Variants in PTPRG observed in about 807,000 individuals in gnomAD.
The protein encoded by PTPRG is receptor-type tyrosine-protein phosphatase gamma.
Under a neutral mutation model 165.3 loss-of-function variants are expected in PTPRG, and 102 were observed. The observed-to-expected ratio is 0.62, with a 90% CI of 0.53 to 0.73. The LOEUF (loss-of-function observed/expected upper bound fraction) is 0.73. PTPRG is among the 30% of genes least tolerant of loss of function. The pLI, the probability that PTPRG is intolerant of heterozygous loss-of-function variation, is 0.00. For missense variants in PTPRG, 1,866 were observed against 1,861.4 expected (o/e 1.00, Z -0.05); for synonymous variants, 675 against 669.5 (o/e 1.01, Z -0.13).
intron 2 of PTPRG, among the ~76,000 whole-genome samples, chr3:61,809,447 A>G (rs1198224637): frequency 2.0e-5 from 3 of 152,110 alleles, no homozygotes; most frequent in African/African-American, 7.2e-5. Flanking sequence ...AGAAAATCCA[A>G]CTGGAAGAGG....
At position 62,290,475 on chromosome 3, in the gene PTPRG, C is replaced by T. The variant is rs577269512; in HGVS notation, c.4056-1946C>T. 4.6e-5 allele frequency among the ~76,000 whole-genome samples: 7 copies of T among 152,052 alleles called. No individual in the cohort carries two copies. In the East Asian group the frequency reaches 9.7e-4, roughly 21 times the overall value. On this transcript the variant is annotated intron_variant, in intron 28 of 29. Coordinates refer to ENST00000474889, the MANE Select transcript of PTPRG (RefSeq NM_002841.4). ...TATGTTTGAATCACTAAAAACAATA[C>T]GAAGTAAATGTAGAGACAGCCAAGA... is the stretch of plus-strand genomic sequence containing the variant.
At chr3:61,614,535 A>G (rs1701255538) in intron 1 of PTPRG, among the ~76,000 whole-genome samples, 1 of 141,852 alleles carries the variant, frequency 7.0e-6, no homozygotes, top group Admixed American at 7.8e-5. Flanking sequence ...TCAGCTTCCC[A>G]AGTAGTTGGG....
At chr3:61,854,368 A>G (rs2037045288) in intron 2 of PTPRG, among the ~76,000 whole-genome samples, 1 of 152,160 alleles carries the variant, frequency 6.6e-6, no homozygotes, top group Admixed American at 6.5e-5. Flanking sequence ...ACCTATTCTC[A>G]TCTATAGGCT....
intron 14 of PTPRG, among the ~76,000 whole-genome samples, chr3:62,239,771 T>C (rs533216859): frequency 4.5e-4 from 69 of 152,320 alleles, no homozygotes; most frequent in African/African-American, 1.6e-3. Flanking sequence ...CTTGTGTTTT[T>C]CTTTTCCTTT....
At chr3:61,920,986 C>A (rs953151872) in intron 2 of PTPRG, among the ~76,000 whole-genome samples, 1 of 152,050 alleles carries the variant, frequency 6.6e-6, no homozygotes, top group Non-Finnish European at 1.5e-5. Flanking sequence ...TCATTGGATA[C>A]CAGAAATCTT....
At chr3:61,738,342 A>ATATATATGTG (rs1559583542) in intron 1 of PTPRG, among the ~76,000 whole-genome samples, 1 of 135,232 alleles carries the variant, frequency 7.4e-6, no homozygotes. Flanking sequence ...ATATATGTAT[A>ATATATATGTG]TATATATATA....
chr3:62,243,769 T>C, intron 14 of PTPRG, 38 bp from the exon 15 acceptor site: 1 of 1,254,920 alleles, frequency 8.0e-7, no homozygotes, highest in Non-Finnish European at 1.1e-6. Context: ...AAATAAAGTA[T>C]ATTCTATTAT....
At chr3:62,269,220 A>G in intron 20 of PTPRG, 51 bp downstream of exon 20, 3 of 1,501,804 alleles carry the variant, frequency 2.0e-6, no homozygotes, top group South Asian at 2.8e-5. Context: ...TTATACTTGT[A>G]TGAAAATTAC....
chr3:62,153,824 T>C (rs889552638), intron 6 of PTPRG, among the ~76,000 whole-genome samples: 1 of 152,190 alleles, frequency 6.6e-6, no homozygotes, highest in Non-Finnish European at 1.5e-5. Flanking sequence ...TATTTGAACC[T>C]GGGCAGGCTG....
At chr3:61,814,337 T>C (rs752361903) in intron 2 of PTPRG, among the ~76,000 whole-genome samples, 23 of 152,340 alleles carry the variant, frequency 1.5e-4, no homozygotes, top group Non-Finnish European at 3.1e-4. Context: ...AAAGAGCTTA[T>C]AGTTCATAAC....
At chr3:61,564,790 C>T (rs1431466552) in intron 1 of PTPRG, among the ~76,000 whole-genome samples, 1 of 152,178 alleles carries the variant, frequency 6.6e-6, no homozygotes, top group Non-Finnish European at 1.5e-5. Context: ...ACCTCCACGC[C>T]TCAGGGATGG....
At chr3:61,718,046 G>A (rs780733873) in intron 1 of PTPRG, among the ~76,000 whole-genome samples, 7 of 151,814 alleles carry the variant, frequency 4.6e-5, no homozygotes, top group Admixed American at 3.9e-4. Context: ...CGGGCATGGT[G>A]GTGCGGGCAC....
intron 13 of PTPRG, among the ~76,000 whole-genome samples, chr3:62,227,844 GT>G (rs1405205198): frequency 1.3e-5 from 2 of 152,136 alleles, no homozygotes; most frequent in African/African-American, 4.8e-5. Flanking sequence ...TAGCTAACAT[GT>G]TTTTTTAAAA....
intron 2 of PTPRG, among the ~76,000 whole-genome samples, chr3:61,830,918 G>C (rs1035426118): frequency 2.0e-5 from 3 of 152,156 alleles, no homozygotes; most frequent in Non-Finnish European, 4.4e-5. Context: ...AAAATTTGTG[G>C]AGCTGTAGTG....
chr3:62,289,902 A>AAGAT (rs1157872196), intron 28 of PTPRG, among the ~76,000 whole-genome samples: 1 of 152,132 alleles, frequency 6.6e-6, no homozygotes, highest in Non-Finnish European at 1.5e-5. Flanking sequence ...GTAAAAGCAG[A>AAGAT]AGATAGAAGA....
At chr3:61,823,706 C>T (rs2036023005) in intron 2 of PTPRG, among the ~76,000 whole-genome samples, 1 of 152,276 alleles carries the variant, frequency 6.6e-6, no homozygotes, top group East Asian at 1.9e-4. Context: ...ACTTGTTCTT[C>T]ATGGAGTTTA....
intron 2 of PTPRG, among the ~76,000 whole-genome samples, chr3:61,946,057 T>C (rs187557878): frequency 1.6e-3 from 239 of 152,370 alleles, no homozygotes; most frequent in Non-Finnish European, 2.3e-3. Context: ...CAAATTGTTA[T>C]AGTAATTGAC....
chr3:62,134,185 A>G (rs564197202), intron 6 of PTPRG, among the ~76,000 whole-genome samples: 131 of 152,216 alleles, frequency 8.6e-4, no homozygotes, highest in African/African-American at 3.1e-3. Flanking sequence ...TGGAAAAACG[A>G]TATCTGGCTC....
Position 62,273,593 on chromosome 3 carries a change from C to A in PTPRG, c.3319-105C>A. On this transcript the variant is annotated intron_variant, in intron 22 of 29. Coordinates refer to ENST00000474889, the MANE Select transcript of PTPRG (RefSeq NM_002841.4). The surrounding 1 kb of genome is among the most constrained non-coding windows in gnomAD (Gnocchi z 4.1). Reference sequence around the variant, plus strand: ...AGCTGTAAGTGCTTGAAGGAAATCACTGGGAGGTCCCTGTTAGCAGCAGAA... The same window carrying A: ...AGCTGTAAGTGCTTGAAGGAAATCAATGGGAGGTCCCTGTTAGCAGCAGAA... The A allele has an allele frequency of 8.8e-7, 1 of 1,138,814 alleles. No homozygotes were observed. Among genetic ancestry groups the A allele is most frequent in the Non-Finnish European group, 1.3e-6 (1 of 773,182 alleles). The allele number at this position is 1,138,814 out of a possible 1,614,324, so 70.5% of individuals were successfully genotyped here.
Sources: allele counts gnomAD v4.1 joint callset (sites outside exome capture counted in the v4.1 genomes callset), GRCh38; gene constraint gnomAD v4.1.1; non-coding constraint Gnocchi (gnomAD v3.1); transcripts MANE v1.5; gene names NCBI Gene and HGNC (gene_info 2026-07-23, HGNC 2026-07-21).